Variants in SYT9 observed in about 807,000 individuals in gnomAD.
SYT9 encodes synaptotagmin 9, also known as synaptotagmin-9.
In SYT9, 22 loss-of-function variants were observed where a neutral mutation model predicts 48.4. The observed-to-expected ratio is 0.45, with a 90% CI of 0.32 to 0.65. SYT9 has a LOEUF of 0.65. SYT9 is among the 30% of genes least tolerant of loss of function. The probability of loss-of-function intolerance (pLI) is 0.03; values close to 1 mark genes in which losing one functional copy is unlikely to be tolerated. For missense variants in SYT9, 577 were observed against 622.0 expected, an observed-to-expected ratio of 0.93 and a Z score of 0.77; for synonymous variants, 265 against 245.0, an observed-to-expected ratio of 1.08 and a Z score of -0.76.
chr11:7,316,377 G>A, intron 3 of SYT9, among the ~76,000 whole-genome samples: 1 of 152,008 alleles, frequency 6.6e-6, no homozygotes, highest in Middle Eastern at 3.2e-3. Flanking sequence ...TTTGGGTTTT[G>A]TCTATTTTGG....
chr11:7,434,491 C>T (rs747651482), intron 6 of SYT9, among the ~76,000 whole-genome samples: 5 of 152,090 alleles, frequency 3.3e-5, no homozygotes, highest in African/African-American at 4.8e-5. Flanking sequence ...CTTGGAGGAT[C>T]GTAGCCTGGC....
intron 2 of SYT9, among the ~76,000 whole-genome samples, chr11:7,309,750 C>T (rs1257850418): frequency 1.3e-5 from 2 of 152,170 alleles, no homozygotes; most frequent in Non-Finnish European, 2.9e-5. Context: ...GGGCAGTCTC[C>T]CTGCTCCACT....
At chr11:7,300,475 A>G (rs1339689663) in intron 1 of SYT9, among the ~76,000 whole-genome samples, 2 of 152,220 alleles carry the variant, frequency 1.3e-5, no homozygotes, top group African/African-American at 4.8e-5. Flanking sequence ...TCTCCCTTGG[A>G]GAGGAGCCCT....
rs1373818005 is a variant in SYT9 at position 7,252,652 on chromosome 11, G to A, written c.145+321G>A. Among the ~76,000 whole-genome samples, 1 of 152,222 alleles carries A rather than the reference G, an allele frequency of 6.6e-6. No individual in the cohort carries two copies. The highest frequency in any genetic ancestry group is 2.4e-5 in the African/African-American group (1 of 41,468). On this transcript the variant is annotated intron_variant, in intron 1 of 6. Coordinates refer to ENST00000318881, the MANE Select transcript of SYT9 (RefSeq NM_175733.4). The surrounding 1 kb of genome is among the most constrained non-coding windows in gnomAD (Gnocchi z 6.3). ...CCGAGCTACGCTCTCCACTTCCCGG[G>A]CTATCTGCACTCAGAGCGAGGGGAG...
chr11:7,386,165 T>C (rs1261301271), intron 3 of SYT9, among the ~76,000 whole-genome samples: 1 of 152,158 alleles, frequency 6.6e-6, no homozygotes, highest in African/African-American at 2.4e-5. Context: ...CCTGTTTTTT[T>C]TCTGGTATAT....
At chr11:7,257,867 TG>T (rs925020030) in intron 1 of SYT9, among the ~76,000 whole-genome samples, 3 of 152,080 alleles carry the variant, frequency 2.0e-5, no homozygotes, top group Admixed American at 6.5e-5. Flanking sequence ...GACCAGTGAG[TG>T]GTTTAGTCAT....
At chr11:7,309,450 A>G (rs1330607761) in intron 2 of SYT9, among the ~76,000 whole-genome samples, 2 of 152,060 alleles carry the variant, frequency 1.3e-5, no homozygotes, top group East Asian at 3.9e-4. Context: ...CTCTTTGCCA[A>G]ATTCCTACAC....
intron 2 of SYT9, among the ~76,000 whole-genome samples, chr11:7,304,268 C>A (rs1848995238): frequency 6.6e-6 from 1 of 152,184 alleles, no homozygotes. Flanking sequence ...GCTATTATGG[C>A]CTCTCCCAAG....
At chr11:7,347,653 G>A (rs568002116) in intron 3 of SYT9, among the ~76,000 whole-genome samples, 10 of 152,308 alleles carry the variant, frequency 6.6e-5, no homozygotes, top group African/African-American at 2.2e-4. Flanking sequence ...GTGGATATGT[G>A]CTTCTACTTG....
chr11:7,449,450 T>C (rs1800866414), intron 6 of SYT9, among the ~76,000 whole-genome samples: 1 of 151,708 alleles, frequency 6.6e-6, no homozygotes, highest in Non-Finnish European at 1.5e-5. Flanking sequence ...AAAGAAAGTG[T>C]TGTGACTTCA....
At chr11:7,270,872 C>CACACACACACACAT (rs1848283232) in intron 1 of SYT9, among the ~76,000 whole-genome samples, 1 of 138,182 alleles carries the variant, frequency 7.2e-6, no homozygotes, top group Admixed American at 7.2e-5. Flanking sequence ...CACACACACA[C>CACACACACACACAT]ATAATGTGGA....
At chr11:7,271,358 A>G (rs1453024757) in intron 1 of SYT9, among the ~76,000 whole-genome samples, 1 of 152,000 alleles carries the variant, frequency 6.6e-6, no homozygotes, top group Non-Finnish European at 1.5e-5. Flanking sequence ...ACTGTGTACA[A>G]TGGATTGCTA....
intron 6 of SYT9, among the ~76,000 whole-genome samples, chr11:7,442,220 G>A (rs1277838337): frequency 6.6e-6 from 1 of 152,078 alleles, no homozygotes; most frequent in African/African-American, 2.4e-5. Context: ...CTGAGGGGAG[G>A]AGCTTTTCCT....
intron 1 of SYT9, among the ~76,000 whole-genome samples, chr11:7,266,809 C>T (rs1848192965): frequency 6.6e-6 from 1 of 151,820 alleles, no homozygotes; most frequent in Non-Finnish European, 1.5e-5. Flanking sequence ...AGATTTGACC[C>T]AGGGAAACTC....
intron 3 of SYT9, among the ~76,000 whole-genome samples, chr11:7,394,321 A>G (rs1435629159): frequency 6.6e-6 from 1 of 152,180 alleles, no homozygotes; most frequent in Non-Finnish European, 1.5e-5. Flanking sequence ...ATAGTATTCC[A>G]TGGTGTATAT....
At chr11:7,243,436 A>G (rs1847759251) in intron 1 of SYT9, among the ~76,000 whole-genome samples, 1 of 152,226 alleles carries the variant, frequency 6.6e-6, no homozygotes, top group Non-Finnish European at 1.5e-5. Context: ...GAATAAGGCC[A>G]GAGGCAATAT....
chr11:7,280,680 G>C (rs776529666), intron 1 of SYT9, among the ~76,000 whole-genome samples: 1 of 152,164 alleles, frequency 6.6e-6, no homozygotes, highest in Non-Finnish European at 1.5e-5. Context: ...ATTGCTGACC[G>C]TGGAGCTGGG....
chr11:7,307,741 G>A (rs932709544), intron 2 of SYT9, among the ~76,000 whole-genome samples: 1 of 152,218 alleles, frequency 6.6e-6, no homozygotes, highest in African/African-American at 2.4e-5. Context: ...CTGTCTGAGG[G>A]CCTGAACTCA....
exon 1 of SYT9, chr11:7,238,799 A>C (rs1589880145): frequency 2.2e-6 from 1 of 455,012 alleles, no homozygotes; most frequent in Non-Finnish European, 4.4e-6. Flanking sequence ...CTTTGTCAAC[A>C]TGATCCTCCT....
Sources: allele counts gnomAD v4.1 joint callset (sites outside exome capture counted in the v4.1 genomes callset), GRCh38; gene constraint gnomAD v4.1.1; non-coding constraint Gnocchi (gnomAD v3.1); transcripts MANE v1.5; gene names NCBI Gene and HGNC (gene_info 2026-07-23, HGNC 2026-07-21).